The following CLXN variants were observed in gnomAD, a reference collection of about 807,000 sequenced individuals.
CLXN encodes the protein calaxin, also known as EF-hand calcium binding domain 1.
the CLXN span, among the ~76,000 whole-genome samples, chr8:48,728,167 T>G: frequency 1.3e-5 from 2 of 152,128 alleles, no homozygotes; most frequent in East Asian, 3.9e-4. Flanking sequence ...CAAGACTAAA[T>G]CTGAGCTCCA....
the CLXN span, among the ~76,000 whole-genome samples, chr8:48,729,465 G>C: frequency 6.6e-6 from 1 of 151,790 alleles, no homozygotes; most frequent in African/African-American, 2.4e-5. Context: ...TGATGATGCA[G>C]TGAGCTGTGA....
the CLXN span, among the ~76,000 whole-genome samples, chr8:48,726,862 C>CATCT: frequency 1.1e-5 from 1 of 92,188 alleles, no homozygotes; most frequent in African/African-American, 4.9e-5. Flanking sequence ...TCTATCCATG[C>CATCT]ATCTATCAAT....
the CLXN span, chr8:48,735,259 C>G: frequency 2.4e-6 from 3 of 1,255,964 alleles, no homozygotes; most frequent in African/African-American, 3.0e-5. Flanking sequence ...GCGGTGAGGT[C>G]TCAGTTACTG....
At chr8:48,714,074 C>T in the CLXN span, 1 of 152,184 alleles carries the variant, frequency 6.6e-6, no homozygotes, top group East Asian at 1.9e-4. Context: ...ATCCACAGTC[C>T]TAACCCACCC....
At chr8:48,734,291 A>G in the CLXN span, among the ~76,000 whole-genome samples, 1 of 152,216 alleles carries the variant, frequency 6.6e-6, no homozygotes, top group Non-Finnish European at 1.5e-5. Flanking sequence ...AGTTTGCTCG[A>G]CAGGAAATTA....
the CLXN span, among the ~76,000 whole-genome samples, chr8:48,720,734 A>G: frequency 6.6e-6 from 1 of 152,006 alleles, no homozygotes; most frequent in South Asian, 2.1e-4. Flanking sequence ...GAAGCATGTG[A>G]TTTTGTACCT....
chr8:48,726,658 C>A, the CLXN span, among the ~76,000 whole-genome samples: 1 of 141,864 alleles, frequency 7.0e-6, no homozygotes, highest in Non-Finnish European at 1.5e-5. Context: ...ATCCACCCAC[C>A]TCATCCATCC....
At chr8:48,730,620 T>A in the CLXN span, 1 of 1,611,132 alleles carries the variant, frequency 6.2e-7, no homozygotes, top group Non-Finnish European at 8.5e-7. Context: ...ACAGCCATCA[T>A]TATCTTTATC....
At chr8:48,726,120 AT>A in the CLXN span, among the ~76,000 whole-genome samples, 2 of 119,836 alleles carry the variant, frequency 1.7e-5, no homozygotes, top group Admixed American at 8.2e-5. Context: ...CACTCCATCC[AT>A]CCATCCATCC....
the CLXN span, among the ~76,000 whole-genome samples, chr8:48,726,842 CATCCACCCATCT>C: frequency 6.8e-6 from 1 of 147,206 alleles, no homozygotes; most frequent in Non-Finnish European, 1.5e-5. Flanking sequence ...TCCATCCATG[CATCCACCCATCT>C]ATCCATGCAT....
chr8:48,726,931 A>G, the CLXN span, among the ~76,000 whole-genome samples: 1 of 146,018 alleles, frequency 6.8e-6, no homozygotes, highest in Admixed American at 6.8e-5. Flanking sequence ...TCACCCACCC[A>G]CGCATCCAAC....
chr8:48,729,553 G>A, the CLXN span, among the ~76,000 whole-genome samples: 6 of 151,696 alleles, frequency 4.0e-5, no homozygotes, highest in African/African-American at 1.5e-4. Flanking sequence ...AAAAATAAGA[G>A]GTTAGGTGGT....
chr8:48,730,355 T>C, the CLXN span, among the ~76,000 whole-genome samples: 6 of 152,218 alleles, frequency 3.9e-5, no homozygotes, highest in Non-Finnish European at 8.8e-5. Flanking sequence ...AGTTTTCTTT[T>C]TATTAACTTT....
the CLXN span, chr8:48,724,657 A>G: frequency 9.2e-7 from 1 of 1,091,070 alleles, no homozygotes; most frequent in South Asian, 1.7e-5. Flanking sequence ...ATTCAACATC[A>G]TTTTTCTGAA....
At chr8:48,724,683 A>G in the CLXN span, 2 of 1,373,242 alleles carry the variant, frequency 1.5e-6, no homozygotes, top group South Asian at 1.4e-5. Flanking sequence ...TAGAAAAAAT[A>G]AGCAATATGT....
chr8:48,734,758 C>T, the CLXN span: 1 of 249,800 alleles, frequency 4.0e-6, no homozygotes, highest in East Asian at 8.1e-5. Flanking sequence ...TTTCTTGAGA[C>T]CAGTTGGTTT....
At chr8:48,730,597 C>G in the CLXN span, 1 of 1,612,108 alleles carries the variant, frequency 6.2e-7, no homozygotes, top group Non-Finnish European at 8.5e-7. Flanking sequence ...TGAATCCACT[C>G]CAATACATTT....
the CLXN span, among the ~76,000 whole-genome samples, chr8:48,718,400 T>C: frequency 2.0e-4 from 31 of 152,176 alleles, no homozygotes; most frequent in Middle Eastern, 3.4e-3. Context: ...CCACTTACAA[T>C]AATGGATAAA....
the CLXN span, among the ~76,000 whole-genome samples, chr8:48,726,704 C>A: frequency 4.8e-5 from 7 of 144,720 alleles, no homozygotes; most frequent in Non-Finnish European, 9.1e-5. Context: ...TCCATCTACC[C>A]ACACACCTAC....
Sources: allele counts gnomAD v4.1 joint callset (sites outside exome capture counted in the v4.1 genomes callset), GRCh38; gene constraint gnomAD v4.1.1; transcripts MANE v1.5; gene names NCBI Gene and HGNC (gene_info 2026-07-23, HGNC 2026-07-21).